SMG6: variants seen among roughly 807,000 people sequenced by gnomAD.
The protein encoded by SMG6 is SMG6 nonsense mediated mRNA decay factor.
A neutral mutation model predicts 142.2 loss-of-function variants in SMG6; 66 were observed. The ratio of observed to expected loss-of-function variants is 0.46; its 90% CI spans 0.38 to 0.57. SMG6 has a LOEUF of 0.57. SMG6 is among the 20% of genes least tolerant of loss of function. The pLI is 0.00. For synonymous variants in SMG6, 779 were observed against 702.4 expected, an observed-to-expected ratio of 1.11 and a Z score of -1.72; for missense variants, 1,793 against 1,832.0, an observed-to-expected ratio of 0.98 and a Z score of 0.39.
intron 13 of SMG6, among the ~76,000 whole-genome samples, chr17:2,171,554 C>CTTGTTTGT (rs113054613): frequency 0.36 from 53,777 of 151,162 alleles, 10,223 homozygotes; most frequent in African/African-American, 0.5. Context: ...TGCTTGTTTG[C>CTTGTTTGT]TTGTAGAGAC....
At chr17:2,275,462 C>G (rs1231953673) in intron 8 of SMG6, among the ~76,000 whole-genome samples, 1 of 152,046 alleles carries the variant, frequency 6.6e-6, no homozygotes, top group Non-Finnish European at 1.5e-5. Context: ...AGTCTATCAT[C>G]TATCAACCAC....
At chr17:2,075,137 G>A (rs1363130526) in intron 15 of SMG6, among the ~76,000 whole-genome samples, 4 of 152,234 alleles carry the variant, frequency 2.6e-5, no homozygotes, top group African/African-American at 4.8e-5. Flanking sequence ...CCAGGAGCCA[G>A]GCCTGAGTGT....
chr17:2,150,684 G>A (rs935750915), intron 13 of SMG6, among the ~76,000 whole-genome samples: 1 of 152,140 alleles, frequency 6.6e-6, no homozygotes, highest in African/African-American at 2.4e-5. Flanking sequence ...TTATATTGCT[G>A]TTCCCAGAAG....
At chr17:2,130,601 A>G (rs183985928) in intron 13 of SMG6, among the ~76,000 whole-genome samples, 19 of 152,280 alleles carry the variant, frequency 1.2e-4, no homozygotes, top group Admixed American at 2.0e-4. Flanking sequence ...TATTCAGAAG[A>G]AAAATTTAAA....
intron 4 of SMG6, among the ~76,000 whole-genome samples, chr17:2,293,476 C>T (rs1383072467): frequency 1.3e-5 from 2 of 148,174 alleles, no homozygotes; most frequent in South Asian, 2.1e-4. Context: ...TTTTTCCCCC[C>T]TAATAATTTC....
intron 13 of SMG6, among the ~76,000 whole-genome samples, chr17:2,150,257 G>A (rs1355103085): frequency 6.6e-6 from 1 of 152,220 alleles, no homozygotes; most frequent in Admixed American, 6.5e-5. Flanking sequence ...ACTAATGCTG[G>A]ATGATGGCAA....
At chr17:2,219,803 CAAAAAA>C (rs72234069) in intron 10 of SMG6, among the ~76,000 whole-genome samples, 4 of 118,094 alleles carry the variant, frequency 3.4e-5, no homozygotes, top group Non-Finnish European at 5.3e-5. Context: ...GACCCTTTAT[CAAAAAA>C]AAAAAAAAAA....
At chr17:2,083,696 T>C (rs2068482914) in intron 14 of SMG6, among the ~76,000 whole-genome samples, 1 of 152,222 alleles carries the variant, frequency 6.6e-6, no homozygotes, top group Admixed American at 6.5e-5. Context: ...CGGGACAGAA[T>C]GCCTGCCTAG....
intron 13 of SMG6, among the ~76,000 whole-genome samples, chr17:2,120,794 C>T (rs2069664963): frequency 6.6e-6 from 1 of 152,092 alleles, no homozygotes; most frequent in Non-Finnish European, 1.5e-5. Context: ...GATATATCAC[C>T]AGTCACCACA....
intron 13 of SMG6, among the ~76,000 whole-genome samples, chr17:2,166,207 C>A (rs566986823): frequency 4.4e-4 from 67 of 152,094 alleles, no homozygotes; most frequent in Non-Finnish European, 8.5e-4. Context: ...GAGCCAGACT[C>A]CATCTCCAAA....
intron 13 of SMG6, among the ~76,000 whole-genome samples, chr17:2,137,987 G>GAGT (rs141196963): frequency 0.01 from 1,573 of 152,242 alleles, 31 homozygotes; most frequent in African/African-American, 0.035. Flanking sequence ...GGCGGTTGGA[G>GAGT]AGTAGTATCA....
In SMG6 at chr17:2,068,884, G is replaced by A. The variant is rs1490061398; in HGVS notation, c.3729C>T (p.Ile1243=). 4 of 1,614,248 alleles carry A rather than the reference G, an allele frequency of 2.5e-6. No homozygotes were observed. The highest frequency in any genetic ancestry group is 3.4e-6 in the Non-Finnish European group (4 of 1,180,048). ...TGTCTGGTACGAGGAACAAAGGTCTGATTTCGAGCTCCATCTGCCTCATCT... is the reference window on the plus strand; with the variant it reads ...TGTCTGGTACGAGGAACAAAGGTCTAATTTCGAGCTCCATCTGCCTCATCT... ...HSQMRQMELE[I]RPLFLVPDTN... is the part of the protein sequence containing the mutation. Residue 1243 remains isoleucine (I), a synonymous_variant, in exon 16 of 19, where the codon ATC becomes ATT. Coordinates refer to ENST00000263073, the MANE Select transcript of SMG6 (RefSeq NM_017575.5). This position sits in a 1 kb window ranked among gnomAD's most constrained non-coding sequence, Gnocchi z 6.7.
intron 13 of SMG6, among the ~76,000 whole-genome samples, chr17:2,171,526 T>C (rs1300385123): frequency 1.4e-5 from 2 of 144,364 alleles, no homozygotes; most frequent in Admixed American, 1.4e-4. Context: ...TACTCTTTTA[T>C]ACTAAAAACT....
chr17:2,065,923 T>TGCCAA, intron 16 of SMG6: 1 of 563,744 alleles, frequency 1.8e-6, no homozygotes, highest in Non-Finnish European at 3.2e-6. Flanking sequence ...TGGGAGGAAC[T>TGCCAA]TAAAGGAATC....
chr17:2,147,148 T>A (rs990064290), intron 13 of SMG6, among the ~76,000 whole-genome samples: 7 of 152,198 alleles, frequency 4.6e-5, no homozygotes, highest in African/African-American at 1.4e-4. Context: ...ATCCCAGAAC[T>A]TTGGGAGGCC....
rs58230459 is a variant in SMG6 at position 2,184,960 on chromosome 17, C to CAAAAAAAAAAAA, written c.3155+1691_3155+1702dup. ...TGGGAGACAGAGCGGGACTCCATCT[C>CAAAAAAAAAAAA]AAAAAAAAAAAAAAAAAAAAAAAAA... On this transcript the variant is annotated intron_variant, in intron 12 of 18. Transcript: ENST00000263073. 4.0e-4 allele frequency among the ~76,000 whole-genome samples: 9 copies of CAAAAAAAAAAAA among 22,476 alleles called. 2 individuals are homozygous for CAAAAAAAAAAAA. The highest frequency in any genetic ancestry group is 2.9e-3 in the East Asian group (2 of 694). The allele number at this position is 22,476 out of a possible 152,430, so 14.7% of individuals were successfully genotyped here.
intron 13 of SMG6, among the ~76,000 whole-genome samples, chr17:2,146,174 A>G (rs111948186): frequency 2.6e-5 from 4 of 152,376 alleles, no homozygotes; most frequent in African/African-American, 9.6e-5. Context: ...CTAGTGAAGC[A>G]TGTGGAAGCA....
intron 15 of SMG6, among the ~76,000 whole-genome samples, chr17:2,075,480 C>T (rs1464290824): frequency 1.3e-5 from 2 of 152,188 alleles, no homozygotes; most frequent in East Asian, 3.9e-4. Flanking sequence ...AAACCTGACC[C>T]CGCCCGACAG....
intron 10 of SMG6, among the ~76,000 whole-genome samples, chr17:2,211,461 G>A (rs546734436): frequency 5.9e-5 from 9 of 152,134 alleles, no homozygotes; most frequent in East Asian, 3.9e-4. Context: ...TCAGGGGATC[G>A]AGACCATCCT....
Sources: allele counts gnomAD v4.1 joint callset (sites outside exome capture counted in the v4.1 genomes callset), GRCh38; gene constraint gnomAD v4.1.1; non-coding constraint Gnocchi (gnomAD v3.1); transcripts MANE v1.5; gene names NCBI Gene and HGNC (gene_info 2026-07-23, HGNC 2026-07-21).